NFIA: variants seen among roughly 807,000 people sequenced by gnomAD.
NFIA encodes nuclear factor I A.
A neutral mutation model predicts 62.8 loss-of-function variants in NFIA; 8 were observed. That is an observed-to-expected ratio of 0.13 (90% confidence interval 0.07 to 0.23). The LOEUF (loss-of-function observed/expected upper bound fraction) is 0.23. Among genes scored for constraint, NFIA ranks in the 10% least tolerant of loss-of-function variants. The pLI, the probability that NFIA is intolerant of heterozygous loss-of-function variation, is 1.00. For synonymous variants in NFIA, 235 were observed against 238.1 expected (o/e 0.99, Z 0.12); for missense variants, 410 against 642.1 (o/e 0.64, Z 3.91).
rs139167319 is a variant in NFIA, at chr1:61,363,455, T to C, written c.946+4181T>C. On this transcript the variant is annotated intron_variant, in intron 6 of 10. Coordinates refer to ENST00000403491, the MANE Select transcript of NFIA (RefSeq NM_001134673.4). ...CCCCATCTCTACTAAAAATACAAAA[T>C]TAGCTGCGCATGGTGCTGCATGCCT... Among the ~76,000 whole-genome samples, 390 of 152,004 alleles carry C rather than the reference T, an allele frequency of 2.6e-3. 2 individuals carry two copies. The highest frequency in any genetic ancestry group is 9.0e-3 in the African/African-American group (375 of 41,474).
At chr1:61,151,510 CAG>C (rs1553155734) in intron 2 of NFIA, among the ~76,000 whole-genome samples, 1 of 151,336 alleles carries the variant, frequency 6.6e-6, no homozygotes, top group Non-Finnish European at 1.5e-5. Context: ...TTGAGGAGGT[CAG>C]AGTCTTAGAA....
At chr1:61,184,107 G>T (rs916385348) in intron 2 of NFIA, among the ~76,000 whole-genome samples, 3 of 96,534 alleles carry the variant, frequency 3.1e-5, no homozygotes, top group African/African-American at 5.1e-5. Context: ...TAAGGTTTAT[G>T]GGGGGGGGAA....
chr1:61,248,527 G>A (rs182602735), intron 2 of NFIA, among the ~76,000 whole-genome samples: 61 of 152,284 alleles, frequency 4.0e-4, no homozygotes, highest in African/African-American at 1.4e-3. Flanking sequence ...AGAGCTGTGT[G>A]TTCTTTTGTT....
At chr1:61,391,732 T>C (rs2100500385) in intron 7 of NFIA, among the ~76,000 whole-genome samples, 1 of 152,236 alleles carries the variant, frequency 6.6e-6, no homozygotes, top group East Asian at 1.9e-4. Context: ...TGGCACCCCC[T>C]CCCCTGGCCT....
intron 2 of NFIA, among the ~76,000 whole-genome samples, chr1:61,097,570 A>G (rs1429267129): frequency 6.6e-6 from 1 of 152,130 alleles, no homozygotes; most frequent in Non-Finnish European, 1.5e-5. Context: ...TCTGAGTAGT[A>G]ATTTTTAGTA....
chr1:61,325,855 A>C (rs1224296404), intron 3 of NFIA, among the ~76,000 whole-genome samples: 1 of 141,152 alleles, frequency 7.1e-6, no homozygotes, highest in Non-Finnish European at 1.5e-5. Flanking sequence ...ATGGCATGAA[A>C]CCCAGAGGCG....
chr1:61,443,972 C>A (rs1667698333), intron 10 of NFIA, among the ~76,000 whole-genome samples: 1 of 152,210 alleles, frequency 6.6e-6, no homozygotes, highest in Non-Finnish European at 1.5e-5. Flanking sequence ...CTCTCTGATG[C>A]ACCTTTATTG....
At chr1:61,279,969 A>T (rs1003987364) in intron 3 of NFIA, among the ~76,000 whole-genome samples, 5 of 152,060 alleles carry the variant, frequency 3.3e-5, no homozygotes, top group Admixed American at 6.6e-5. Flanking sequence ...TCAAAGAAAG[A>T]AAGTATTAAT....
intron 10 of NFIA, among the ~76,000 whole-genome samples, chr1:61,446,348 T>TG (rs1667811025): frequency 6.6e-6 from 1 of 152,176 alleles, no homozygotes; most frequent in African/African-American, 2.4e-5. Flanking sequence ...CTCAAGGCCT[T>TG]CTTCACTTCA....
At chr1:61,366,116 G>A (rs977192074) in intron 6 of NFIA, among the ~76,000 whole-genome samples, 1 of 152,130 alleles carries the variant, frequency 6.6e-6, no homozygotes. Context: ...TTCCTAAGTT[G>A]AAAGGCAGCT....
At position 61,082,672 on chromosome 1, in the gene NFIA, T is replaced by TTCTA; in HGVS notation, c.-117_-116insATCT. 6.9e-7 allele frequency: 1 copy of TTCTA among 1,445,748 alleles called. No individual in the cohort carries two copies. The allele number at this position is 1,445,748 out of a possible 1,614,324, so 89.6% of individuals were successfully genotyped here. ...AGGCTTGATTTTTTTTTCTCCCCCC[T>TTCTA]TCTCTCTCTCTCTCTCTCTCTCTCT... On this transcript the variant is annotated 5_prime_UTR_variant, in exon 1 of 11. Coordinates refer to ENST00000403491, the MANE Select transcript of NFIA (RefSeq NM_001134673.4).
upstream of NFIA, chr1:61,081,743 C>G: frequency 1.2e-6 from 1 of 847,796 alleles, no homozygotes; most frequent in South Asian, 1.8e-5. Context: ...GGCACTGATT[C>G]CTCACCACCC....
intron 2 of NFIA, among the ~76,000 whole-genome samples, chr1:61,114,593 G>A (rs1646765463): frequency 6.6e-6 from 1 of 152,134 alleles, no homozygotes; most frequent in African/African-American, 2.4e-5. Context: ...AAGGGAGCAC[G>A]TTTCTCTTTG....
chr1:61,306,266 G>GTTTTTT (rs1557695597), intron 3 of NFIA, among the ~76,000 whole-genome samples: 1 of 45,372 alleles, frequency 2.2e-5, no homozygotes, highest in Non-Finnish European at 4.0e-5. Context: ...CCCAGATTTT[G>GTTTTTT]TTCTTTTTTT....
intron 2 of NFIA, among the ~76,000 whole-genome samples, chr1:61,255,826 A>G (rs1176027874): frequency 2.0e-5 from 3 of 152,204 alleles, no homozygotes; most frequent in Non-Finnish European, 4.4e-5. Flanking sequence ...TATATATCAC[A>G]GAAATGAAAA....
At chr1:61,117,395 G>A (rs150470375) in intron 2 of NFIA, among the ~76,000 whole-genome samples, 1 of 151,968 alleles carries the variant, frequency 6.6e-6, no homozygotes, top group East Asian at 2.0e-4. Context: ...GATTAACTTG[G>A]TGTCCCTAAT....
intron 2 of NFIA, among the ~76,000 whole-genome samples, chr1:61,126,040 G>A (rs1366285350): frequency 6.6e-6 from 1 of 152,170 alleles, no homozygotes; most frequent in Non-Finnish European, 1.5e-5. Flanking sequence ...TTATGTATGA[G>A]TGCAGGTTTT....
rs774297484 is a variant in NFIA at position 61,306,269 on chromosome 1, C to CTT, written c.626-26219_626-26218dup. Among the ~76,000 whole-genome samples the CTT allele has an allele frequency of 2.0e-3, 123 of 60,616 alleles. 6 individuals are homozygous for CTT. Among genetic ancestry groups the CTT allele is most frequent in the African/African-American group, 8.8e-3 (114 of 12,932 alleles). 39.8% of individuals were successfully genotyped at this position (60,616 alleles called of 152,430 possible). A position where few individuals can be genotyped will look rare whatever the true frequency, so the allele number is the denominator to read the frequency against. ...TCATCCTGGAGACCCAGATTTTGTT[C>CTT]TTTTTTTTTTTTTTTTTTTTTTTTT... On this transcript the variant is annotated intron_variant, in intron 3 of 10. Transcript: ENST00000403491.
At chr1:61,409,341 G>A (rs1388084044) in intron 9 of NFIA, among the ~76,000 whole-genome samples, 2 of 152,114 alleles carry the variant, frequency 1.3e-5, no homozygotes, top group Non-Finnish European at 2.9e-5. Flanking sequence ...CTTTTCTAGG[G>A]TATGATGAAT....
Sources: gnomAD v4.1 joint callset for allele counts (sites outside exome capture counted in the v4.1 genomes callset) on GRCh38, gnomAD v4.1.1 for gene constraint, MANE v1.5 for transcripts, NCBI Gene and HGNC (gene_info 2026-07-23, HGNC 2026-07-21) for gene names.